Variants in PAN3 observed in about 807,000 individuals in gnomAD.
The protein encoded by PAN3 is PAN2-PAN3 deadenylation complex subunit PAN3.
Under a neutral mutation model 96.2 loss-of-function variants are expected in PAN3, and 19 were observed. The ratio of observed to expected loss-of-function variants is 0.20; its 90% CI spans 0.14 to 0.29. The LOEUF (loss-of-function observed/expected upper bound fraction) is 0.29, where lower values mean the gene tolerates loss of function less well. Ranked by LOEUF, PAN3 falls within the 10% of genes least tolerant of loss-of-function variation. The pLI is 1.00. For synonymous variants in PAN3, 433 were observed against 406.6 expected (o/e 1.06, Z -0.78); for missense variants, 882 against 1,108.1 (o/e 0.80, Z 2.90).
chr13:28,158,974 A>G (rs1872564559), intron 1 of PAN3, among the ~76,000 whole-genome samples: 1 of 152,186 alleles, frequency 6.6e-6, no homozygotes, highest in Non-Finnish European at 1.5e-5. Context: ...AATGATTATT[A>G]TTAAAAAATA....
chr13:28,248,490 T>C (rs966344492), intron 6 of PAN3, among the ~76,000 whole-genome samples: 3 of 151,012 alleles, frequency 2.0e-5, no homozygotes, highest in Non-Finnish European at 4.4e-5. Flanking sequence ...TGGGCATCTT[T>C]GTCTTGTTCC....
chr13:28,270,715 C>T lies in PAN3; in HGVS notation c.1807C>T (p.Pro603Ser). ...TKRKWGQHEG[P>S]LPRQHAGLLP... The stretch of plus-strand genomic sequence containing the variant: ...TTGCTGTATAGGTCAGCACGAGGGA[C>T]CATTGCCCAGGCAGCATGCTGGATT... Residue 603 changes from proline (P) to serine (S), a missense_variant, in exon 13 of 19, where the codon CCA (proline) becomes TCA (serine). Coordinates refer to ENST00000380958, the MANE Select transcript of PAN3 (RefSeq NM_175854.8). The T allele has an allele frequency of 6.2e-7, 1 of 1,613,794 alleles. No homozygotes were observed.
At chr13:28,186,098 G>A (rs1407358991) in intron 4 of PAN3, among the ~76,000 whole-genome samples, 2 of 152,248 alleles carry the variant, frequency 1.3e-5, no homozygotes, top group African/African-American at 2.4e-5. Flanking sequence ...TTTTGAAAAC[G>A]GGGAAGGAGA....
chr13:28,160,588 A>G (rs1872767909), intron 1 of PAN3, among the ~76,000 whole-genome samples: 1 of 152,224 alleles, frequency 6.6e-6, no homozygotes, highest in Non-Finnish European at 1.5e-5. Context: ...GTTTGAAATA[A>G]GGCTTTAAAT....
chr13:28,255,828 A>T (rs555422834), intron 6 of PAN3, among the ~76,000 whole-genome samples: 1 of 152,114 alleles, frequency 6.6e-6, no homozygotes, highest in East Asian at 1.9e-4. Context: ...AGATAATTTG[A>T]ATTTTTAATA....
chr13:28,220,135 A>C, intron 5 of PAN3, 96 bp from the exon 6 acceptor site: 1 of 1,158,678 alleles, frequency 8.6e-7, no homozygotes. Context: ...AATATATTTT[A>C]CTTAGTAAAT....
intron 1 of PAN3, among the ~76,000 whole-genome samples, chr13:28,140,951 A>T (rs1413634056): frequency 3.3e-5 from 5 of 151,122 alleles, no homozygotes; most frequent in African/African-American, 1.2e-4. Flanking sequence ...GTAATGTTTG[A>T]TTAGTAACCA....
chr13:28,270,392 T>A (rs1427301340), intron 12 of PAN3, among the ~76,000 whole-genome samples: 2 of 152,236 alleles, frequency 1.3e-5, no homozygotes, highest in African/African-American at 4.8e-5. Flanking sequence ...TGTTTTTATA[T>A]TTATTTGGTT....
At chr13:28,139,174 C>A in intron 1 of PAN3, 87 bp downstream of exon 1, 1 of 1,224,538 alleles carries the variant, frequency 8.2e-7, no homozygotes, top group African/African-American at 1.6e-5. Flanking sequence ...GAGCTGAGCA[C>A]GGCCCGCGGG....
intron 1 of PAN3, among the ~76,000 whole-genome samples, chr13:28,144,511 G>T (rs1052970149): frequency 6.6e-6 from 1 of 151,934 alleles, no homozygotes; most frequent in East Asian, 1.9e-4. Context: ...CACTGGGCCC[G>T]GCCGGTTTCG....
chr13:28,178,187 A>G (rs182042459), intron 4 of PAN3, among the ~76,000 whole-genome samples: 18 of 152,250 alleles, frequency 1.2e-4, no homozygotes, highest in Non-Finnish European at 2.4e-4. Flanking sequence ...ATTTATCTCA[A>G]TGTATTCTGT....
Position 28,276,292 on chromosome 13 carries a change from G to A in PAN3, c.2050-945G>A, listed in dbSNP as rs183060251. 7.7e-4 allele frequency among the ~76,000 whole-genome samples: 117 copies of A among 152,284 alleles called. 1 individual carries two copies. In the East Asian group the frequency reaches 0.018, roughly 23 times the overall value. The stretch of plus-strand genomic sequence containing the variant: ...ACGAATGTTCAGTAAATGAACGTGT[G>A]TCTAATAATTTAGATGAGTTCTCAG... On this transcript the variant is annotated intron_variant, in intron 14 of 18. Transcript: ENST00000380958.
chr13:28,197,223 A>G lies in PAN3; in HGVS notation c.729A>G (p.Leu243=), dbSNP rs766569962. Residue 243 remains leucine, a synonymous_variant, in exon 5 of 19, where the codon CTA becomes CTG. Coordinates refer to ENST00000380958, the MANE Select transcript of PAN3 (RefSeq NM_175854.8). ...GCCTGGGGATGCTGGAGGAGAGGCT[A>G]GTTCCGATGGGATCAAAGGCACGAA... ...KYRLGMLEER[L]VPMGSKARKA... 6 of 1,613,588 alleles carry G rather than the reference A, an allele frequency of 3.7e-6. No individual in the cohort carries two copies. In the South Asian group the frequency reaches 6.6e-5, roughly 18 times the overall value.
At chr13:28,245,433 CT>C (rs1308564650) in intron 6 of PAN3, among the ~76,000 whole-genome samples, 1 of 151,690 alleles carries the variant, frequency 6.6e-6, no homozygotes, top group Non-Finnish European at 1.5e-5. Flanking sequence ...CCCAACACCC[CT>C]CCCACATTTG....
chr13:28,144,224 T>TG (rs930773578), intron 1 of PAN3, among the ~76,000 whole-genome samples: 6 of 144,668 alleles, frequency 4.1e-5, no homozygotes, highest in African/African-American at 1.0e-4. Flanking sequence ...TTTTTTTTTT[T>TG]TTTTTTTTTT....
At chr13:28,198,619 A>G (rs1270213683) in intron 5 of PAN3, among the ~76,000 whole-genome samples, 2 of 152,164 alleles carry the variant, frequency 1.3e-5, no homozygotes, top group Non-Finnish European at 2.9e-5. Context: ...TTATAATTTT[A>G]TTTCCATTTT....
chr13:28,282,391 G>A (rs986235825), intron 17 of PAN3, among the ~76,000 whole-genome samples: 3 of 151,310 alleles, frequency 2.0e-5, no homozygotes, highest in Non-Finnish European at 4.4e-5. Context: ...CTTCAAAGTC[G>A]AAAGACTCAT....
At chr13:28,278,075 T>C (rs1887203086) in intron 15 of PAN3, among the ~76,000 whole-genome samples, 1 of 152,254 alleles carries the variant, frequency 6.6e-6, no homozygotes, top group South Asian at 2.1e-4. Flanking sequence ...TTTATTACAG[T>C]TATGAGCTAT....
intron 6 of PAN3, among the ~76,000 whole-genome samples, chr13:28,242,067 C>T (rs1447309206): frequency 6.6e-6 from 1 of 152,202 alleles, no homozygotes; most frequent in Non-Finnish European, 1.5e-5. Context: ...AAAAGTAACA[C>T]ATACTAGAGT....
Sources: gnomAD v4.1 joint callset for allele counts (sites outside exome capture counted in the v4.1 genomes callset) on GRCh38, gnomAD v4.1.1 for gene constraint, MANE v1.5 for transcripts, NCBI Gene and HGNC (gene_info 2026-07-23, HGNC 2026-07-21) for gene names.